ASAP3: variants seen among roughly 807,000 people sequenced by gnomAD.
ASAP3 encodes the protein arf-GAP with SH3 domain, ANK repeat and PH domain-containing protein 3.
Under a neutral mutation model 118.2 loss-of-function variants are expected in ASAP3, and 85 were observed. The ratio of observed to expected loss-of-function variants is 0.72; its 90% CI spans 0.60 to 0.86. The LOEUF is 0.86. Among genes scored for constraint, ASAP3 ranks in the 40% least tolerant of loss-of-function variants. The pLI, the probability that ASAP3 is intolerant of heterozygous loss-of-function variation, is 0.00. For synonymous variants in ASAP3, 432 were observed against 477.4 expected, an observed-to-expected ratio of 0.90 and a Z score of 1.24; for missense variants, 1,026 against 1,175.0, an observed-to-expected ratio of 0.87 and a Z score of 1.85.
intron 21 of ASAP3, 68 bp from the exon 22 acceptor site, chr1:23,433,340 C>T (rs1474896332): frequency 1.9e-5 from 31 of 1,611,178 alleles, no homozygotes; most frequent in Non-Finnish European, 2.2e-5. Context: ...CCCCCCGCCT[C>T]ACCGCCCCCG....
In ASAP3 at chr1:23,431,035, C is replaced by T. The variant is rs774496654; in HGVS notation, c.2637G>A (p.Pro879=). Residue 879 remains proline (P), a splice_region_variant and synonymous_variant, in exon 24 of 25, where the codon CCG becomes CCA. Coordinates refer to ENST00000336689, the MANE Select transcript of ASAP3 (RefSeq NM_017707.4). The part of the protein sequence containing the change: ...ARQPLPRRNV[P]VGITEGDGSR... Reference sequence around the variant, plus strand: ...CAAACCATGGTCCCAGAGTTCCTACCGGCACGTTCCTTCTGGGCAGAGGCT... The same window carrying T: ...CAAACCATGGTCCCAGAGTTCCTACTGGCACGTTCCTTCTGGGCAGAGGCT... The T allele has an allele frequency of 2.7e-5, 42 of 1,575,282 alleles. No individual in the cohort carries two copies. Among genetic ancestry groups the T allele is most frequent in the South Asian group, 7.2e-5 (6 of 83,878 alleles).
At chr1:23,450,437 T>G (rs1019570467) in intron 5 of ASAP3, among the ~76,000 whole-genome samples, 2 of 152,188 alleles carry the variant, frequency 1.3e-5, no homozygotes, top group Non-Finnish European at 2.9e-5. Context: ...AACAGTATGT[T>G]GTTATGATCT....
Position 23,437,285 on chromosome 1 carries a change from G to A in ASAP3, c.1187C>T (p.Ala396Val). Residue 396 changes from alanine to valine, a missense_variant, in exon 14 of 25, where the codon GCC becomes GTC. Coordinates refer to ENST00000336689, the MANE Select transcript of ASAP3 (RefSeq NM_017707.4). The surrounding 1 kb of genome is among the most constrained non-coding windows in gnomAD (Gnocchi z 6.1). Reference sequence around the variant, plus strand: ...CTCCCCGAGGAAGGCGCTGCTCAGGGCTTCGTCCTTGCTGTTCTGCAACAC... The same window carrying A: ...CTCCCCGAGGAAGGCGCTGCTCAGGACTTCGTCCTTGCTGTTCTGCAACAC... ...VSVLQNSKDE[A>V]LSSAFLGEPS... is the part of the protein sequence containing the mutation. 2 of 1,605,964 alleles carry A rather than the reference G, an allele frequency of 1.2e-6. No individual in the cohort carries two copies. The highest frequency in any genetic ancestry group is 1.7e-4 in the Middle Eastern group (1 of 6,046).
At chr1:23,451,599 C>T in intron 4 of ASAP3, 71 bp from the exon 5 acceptor site, 1 of 1,524,286 alleles carries the variant, frequency 6.6e-7, no homozygotes, top group Non-Finnish European at 9.1e-7. Context: ...TGCTCTGCTG[C>T]CTGTAGGAGG....
At chr1:23,440,585 G>A (rs1451064034) in intron 10 of ASAP3, among the ~76,000 whole-genome samples, 43 of 141,670 alleles carry the variant, frequency 3.0e-4, no homozygotes, top group South Asian at 9.1e-4. Context: ...AGCCGGGCGC[G>A]GTGGCTCATG....
At position 23,438,869 on chromosome 1, in the gene ASAP3, A is replaced by AT; in HGVS notation, c.1015-36_1015-35insA. On this transcript the variant is annotated intron_variant, in intron 11 of 24. Transcript: ENST00000336689. The surrounding 1 kb of genome is among the most constrained non-coding windows in gnomAD (Gnocchi z 4.9). ...TTTAGGGGCGGAGGATGTATGCATT[A>AT]CCTCTGGCCCTCCACATTCTTTAGG... 6.3e-7 allele frequency: 1 copy of AT among 1,591,922 alleles called. No individual in the cohort carries two copies. Among genetic ancestry groups the AT allele is most frequent in the Non-Finnish European group, 8.6e-7 (1 of 1,160,074 alleles).
Position 23,437,963 on chromosome 1 carries a change from T to C in ASAP3, c.1103-491A>G, listed in dbSNP as rs1405432602. On this transcript the variant is annotated intron_variant, in intron 12 of 24. Coordinates refer to ENST00000336689, the MANE Select transcript of ASAP3 (RefSeq NM_017707.4). The surrounding 1 kb of genome is among the most constrained non-coding windows in gnomAD (Gnocchi z 6.1). The stretch of plus-strand genomic sequence containing the variant: ...CCCAAGATCTCCCATGGCTCTCTAT[T>C]GCCAGGAAATAAGGTCCAAACTTTT... Among the ~76,000 whole-genome samples the C allele has an allele frequency of 1.3e-5, 2 of 152,134 alleles. No homozygotes were observed. Among genetic ancestry groups the C allele is most frequent in the African/African-American group, 4.8e-5 (2 of 41,432 alleles).
At chr1:23,461,497 T>C (rs1213139640) in intron 1 of ASAP3, among the ~76,000 whole-genome samples, 1 of 151,894 alleles carries the variant, frequency 6.6e-6, no homozygotes, top group Admixed American at 6.6e-5. Flanking sequence ...TGAGAGTCTG[T>C]CTCTACAAAA....
At chr1:23,435,041 T>C (rs1640588916) in intron 17 of ASAP3, among the ~76,000 whole-genome samples, 1 of 152,154 alleles carries the variant, frequency 6.6e-6, no homozygotes, top group African/African-American at 2.4e-5. Context: ...GTTTTTAGTT[T>C]TTCTGAGACA....
chr1:23,484,216 G>C (rs1307147644), upstream of ASAP3: 10 of 1,191,176 alleles, frequency 8.4e-6, no homozygotes, highest in South Asian at 1.7e-4. Flanking sequence ...ACCGCCGGCC[G>C]GGGGCGCCGT....
At chr1:23,430,480 T>C (rs558166951) in intron 24 of ASAP3, among the ~76,000 whole-genome samples, 1 of 152,352 alleles carries the variant, frequency 6.6e-6, no homozygotes, top group Non-Finnish European at 1.5e-5. Flanking sequence ...TCTTGCCCTG[T>C]CCCTGTCACA....
chr1:23,483,190 G>T (rs570808255), intron 1 of ASAP3, among the ~76,000 whole-genome samples: 1 of 152,346 alleles, frequency 6.6e-6, no homozygotes, highest in South Asian at 2.1e-4. Context: ...GGCTAGAGCC[G>T]TTGCTGAGGT....
intron 1 of ASAP3, among the ~76,000 whole-genome samples, chr1:23,464,011 G>C (rs1474192358): frequency 1.3e-5 from 2 of 152,112 alleles, no homozygotes; most frequent in Admixed American, 6.6e-5. Context: ...CTCTGTGTGA[G>C]ATCAGCCCTC....
At chr1:23,479,669 C>T (rs1318966133) in intron 1 of ASAP3, 1 of 152,032 alleles carries the variant, frequency 6.6e-6, no homozygotes, top group Non-Finnish European at 1.5e-5. Context: ...AATGTAACTC[C>T]AAAACAATTT....
At chr1:23,479,647 A>T (rs766021199) in intron 1 of ASAP3, among the ~76,000 whole-genome samples, 5 of 152,206 alleles carry the variant, frequency 3.3e-5, no homozygotes, top group Non-Finnish European at 7.3e-5. Context: ...AAAAGTCACA[A>T]AGGAAAAGAA....
rs1233223381 is a variant in ASAP3 at position 23,434,249 on chromosome 1, C to T, written c.1951+5G>A. On this transcript the variant is annotated splice_donor_5th_base_variant and intron_variant, in intron 19 of 24. Coordinates refer to ENST00000336689, the MANE Select transcript of ASAP3 (RefSeq NM_017707.4). ...AGTCTGACGGAGGAGGTATTCAAGC[C>T]CCACCTGTGCCAACCAAAGCTCTCC... is the stretch of plus-strand genomic sequence containing the variant. The T allele has an allele frequency of 8.1e-6, 13 of 1,613,956 alleles. No homozygotes were observed. Among genetic ancestry groups the T allele is most frequent in the South Asian group, 1.1e-5 (1 of 91,066 alleles).
In ASAP3 at chr1:23,431,027, G is replaced by T; in HGVS notation, c.2637+8C>A. 6.4e-7 allele frequency: 1 copy of T among 1,566,550 alleles called. No homozygotes were observed. Among genetic ancestry groups the T allele is most frequent in the African/African-American group, 1.4e-5 (1 of 73,940 alleles). On this transcript the variant is annotated splice_region_variant and intron_variant, in intron 24 of 24. Coordinates refer to ENST00000336689, the MANE Select transcript of ASAP3 (RefSeq NM_017707.4). ...CCGCCCCTCAAACCATGGTCCCAGA[G>T]TTCCTACCGGCACGTTCCTTCTGGG...
At chr1:23,430,365 A>G (rs1367992253) in intron 24 of ASAP3, among the ~76,000 whole-genome samples, 1 of 152,176 alleles carries the variant, frequency 6.6e-6, no homozygotes, top group Non-Finnish European at 1.5e-5. Context: ...CTTCTTTCCC[A>G]ACACAACTGG....
In ASAP3 at chr1:23,465,754, G is replaced by A. The variant is rs553367024; in HGVS notation, c.130-9560C>T. 3.9e-5 allele frequency among the ~76,000 whole-genome samples: 6 copies of A among 152,062 alleles called. No individual in the cohort carries two copies. In the South Asian group the frequency reaches 6.2e-4, roughly 16 times the overall value. ...CGACCTCAGATGATCTGCCCACCTCGGCCTCCCAAAGTGCTGGGATTACAG... is the reference window on the plus strand; with the variant it reads ...CGACCTCAGATGATCTGCCCACCTCAGCCTCCCAAAGTGCTGGGATTACAG... On this transcript the variant is annotated intron_variant, in intron 1 of 24. Coordinates refer to ENST00000336689, the MANE Select transcript of ASAP3 (RefSeq NM_017707.4).
Sources: allele counts gnomAD v4.1 joint callset (sites outside exome capture counted in the v4.1 genomes callset), GRCh38; gene constraint gnomAD v4.1.1; non-coding constraint Gnocchi (gnomAD v3.1); transcripts MANE v1.5; gene names NCBI Gene and HGNC (gene_info 2026-07-23, HGNC 2026-07-21).